The following ARHGAP42 variants were observed in gnomAD, a reference collection of about 807,000 sequenced individuals.
The protein encoded by ARHGAP42 is Rho GTPase activating protein 42.
A neutral mutation model predicts 125.0 loss-of-function variants in ARHGAP42; 63 were observed. The ratio of observed to expected loss-of-function variants is 0.50; its 90% CI spans 0.41 to 0.62. The LOEUF is 0.62. ARHGAP42 is among the 20% of genes least tolerant of loss of function. The pLI, the probability that ARHGAP42 is intolerant of heterozygous loss-of-function variation, is 0.00. For missense variants in ARHGAP42, 766 were observed against 1,024.2 expected (o/e 0.75, Z 3.44); for synonymous variants, 339 against 351.0 (o/e 0.97, Z 0.38).
chr11:100,880,477 C>T (rs533917760), intron 4 of ARHGAP42, among the ~76,000 whole-genome samples: 5 of 152,086 alleles, frequency 3.3e-5, no homozygotes, highest in African/African-American at 9.6e-5. Flanking sequence ...TATATACCAC[C>T]GTTTCTTTAT....
Position 100,860,348 on chromosome 11 carries a change from A to G in ARHGAP42, c.384+723A>G, listed in dbSNP as rs544282336. Among the ~76,000 whole-genome samples, 115 of 152,128 alleles carry G rather than the reference A, an allele frequency of 7.6e-4. 1 individual carries two copies. In the South Asian group the frequency reaches 8.1e-3, roughly 11 times the overall value. ...TCCTTTCCTCTTTACGTCTGTCTGA[A>G]ATATTTGAAATAGCCTACTAATTGA... On this transcript the variant is annotated intron_variant, in intron 4 of 23. Transcript: ENST00000298815.
chr11:100,876,524 A>G (rs1404207463), intron 4 of ARHGAP42, among the ~76,000 whole-genome samples: 1 of 152,232 alleles, frequency 6.6e-6, no homozygotes, highest in Non-Finnish European at 1.5e-5. Context: ...AATGTGGTGA[A>G]TCTCATCACG....
intron 3 of ARHGAP42, among the ~76,000 whole-genome samples, chr11:100,832,200 G>A (rs1864679081): frequency 6.6e-6 from 1 of 152,208 alleles, no homozygotes; most frequent in East Asian, 1.9e-4. Context: ...CAGATGACAA[G>A]GATTCAGGCT....
intron 3 of ARHGAP42, among the ~76,000 whole-genome samples, chr11:100,803,878 T>A (rs939662693): frequency 1.3e-5 from 2 of 152,226 alleles, no homozygotes; most frequent in Non-Finnish European, 2.9e-5. Flanking sequence ...TTTATACCAG[T>A]GAACTTATTT....
chr11:100,987,316 A>T (rs989146424), intron 22 of ARHGAP42, among the ~76,000 whole-genome samples, 197 bp from the exon 23 acceptor site: 1 of 152,206 alleles, frequency 6.6e-6, no homozygotes, highest in Non-Finnish European at 1.5e-5. Flanking sequence ...CTAGTGTGCT[A>T]GTAATCCTTG....
At chr11:100,915,867 C>T (rs1184323628) in intron 5 of ARHGAP42, among the ~76,000 whole-genome samples, 11 of 152,232 alleles carry the variant, frequency 7.2e-5, no homozygotes, top group African/African-American at 2.4e-4. Flanking sequence ...CCCCTCCCTT[C>T]GCCCCTCTAG....
In ARHGAP42 at chr11:100,992,421, TC is replaced by T. The variant is rs529720630; in HGVS notation, c.*3624del. The T allele has an allele frequency of 4.6e-4, 741 of 1,614,126 alleles. 8 individuals are homozygous for T. The East Asian group carries it at 0.015, about 32-fold the overall frequency. Reference sequence around the variant, plus strand: ...GTTACTTTCCCCTTGACTAAAGGTTTCCCCTTAGGGTACACATTGCTATTTA... The same window carrying T: ...GTTACTTTCCCCTTGACTAAAGGTTTCCCTTAGGGTACACATTGCTATTTA... On this transcript the variant is annotated 3_prime_UTR_variant, in exon 24 of 24. Transcript: ENST00000298815.
intron 1 of ARHGAP42, among the ~76,000 whole-genome samples, chr11:100,701,241 C>A (rs1861391658): frequency 2.0e-5 from 3 of 150,526 alleles, no homozygotes; most frequent in Admixed American, 1.3e-4. Flanking sequence ...TGTTCCATTT[C>A]TAGTGCACAG....
At chr11:100,733,344 T>A (rs758261135) in intron 1 of ARHGAP42, among the ~76,000 whole-genome samples, 6 of 151,212 alleles carry the variant, frequency 4.0e-5, no homozygotes, top group Non-Finnish European at 8.8e-5. Flanking sequence ...AAATGTTAGC[T>A]TAAAGGAATT....
intron 1 of ARHGAP42, among the ~76,000 whole-genome samples, chr11:100,739,874 A>T (rs1028908718): frequency 1.3e-5 from 2 of 152,090 alleles, no homozygotes; most frequent in Non-Finnish European, 2.9e-5. Flanking sequence ...CCCAACACAC[A>T]CAACTGCTGA....
At chr11:100,877,817 C>T (rs904767813) in intron 4 of ARHGAP42, among the ~76,000 whole-genome samples, 2 of 151,788 alleles carry the variant, frequency 1.3e-5, no homozygotes, top group African/African-American at 4.8e-5. Flanking sequence ...CCAATCTGGC[C>T]AATGCAGTGA....
At chr11:100,853,711 T>C (rs1865258221) in intron 3 of ARHGAP42, among the ~76,000 whole-genome samples, 1 of 152,124 alleles carries the variant, frequency 6.6e-6, no homozygotes, top group East Asian at 1.9e-4. Context: ...CTTATGAGTA[T>C]AGATGGTTTT....
At chr11:100,733,825 GAAAAA>G (rs551074447) in intron 1 of ARHGAP42, among the ~76,000 whole-genome samples, 3 of 31,384 alleles carry the variant, frequency 9.6e-5, no homozygotes, top group African/African-American at 2.6e-4. Context: ...ATTCTGTCTG[GAAAAA>G]AAAAAAAAAA....
At chr11:100,840,623 A>G (rs1455187526) in intron 3 of ARHGAP42, 2 of 152,204 alleles carry the variant, frequency 1.3e-5, no homozygotes, top group Non-Finnish European at 2.9e-5. Flanking sequence ...AGATGCTGAC[A>G]CTTAGAAGGG....
chr11:100,736,157 G>C (rs536409543), intron 1 of ARHGAP42, among the ~76,000 whole-genome samples: 1 of 152,328 alleles, frequency 6.6e-6, no homozygotes, highest in East Asian at 1.9e-4. Flanking sequence ...GGTTGTTTAG[G>C]TGGTTTTAGT....
At position 100,962,412 on chromosome 11, in the gene ARHGAP42, C is replaced by T; in HGVS notation, c.1389C>T (p.Cys463=). ...ITSGLKNYLR[C]LAEPLMTYKL... is the part of the protein sequence containing the mutation. ...GTGTTTCCTTTCTCTGTTGTAGGTG[C>T]CTTGCAGAACCACTGATGACTTACA... Residue 463 remains cysteine, a synonymous_variant, in exon 16 of 24, where the codon TGC becomes TGT. Transcript: ENST00000298815. 1 of 1,550,384 alleles carries T rather than the reference C, an allele frequency of 6.5e-7. No individual in the cohort carries two copies. The highest frequency in any genetic ancestry group is 8.7e-7 in the Non-Finnish European group (1 of 1,146,118).
chr11:100,845,612 A>T (rs566637173), intron 3 of ARHGAP42, among the ~76,000 whole-genome samples: 269 of 152,330 alleles, frequency 1.8e-3, no homozygotes, highest in African/African-American at 6.1e-3. Context: ...GCCTACTCAG[A>T]GATAAAATAA....
chr11:100,842,332 G>A (rs1462320769), intron 3 of ARHGAP42, among the ~76,000 whole-genome samples: 1 of 152,090 alleles, frequency 6.6e-6, no homozygotes, highest in African/African-American at 2.4e-5. Context: ...TAGTTCAAAT[G>A]AGAACCTATT....
intron 17 of ARHGAP42, among the ~76,000 whole-genome samples, chr11:100,966,715 T>C (rs1858104119): frequency 6.6e-6 from 1 of 152,164 alleles, no homozygotes; most frequent in Non-Finnish European, 1.5e-5. Context: ...TCATTATAAA[T>C]ATTATATCTA....
Sources: allele counts gnomAD v4.1 joint callset (sites outside exome capture counted in the v4.1 genomes callset), GRCh38; gene constraint gnomAD v4.1.1; transcripts MANE v1.5; gene names NCBI Gene and HGNC (gene_info 2026-07-23, HGNC 2026-07-21).